The following NCOA1 variants were observed in gnomAD, a reference collection of about 807,000 sequenced individuals.
The protein encoded by NCOA1 is Hin-2 protein.
A neutral mutation model predicts 150.9 loss-of-function variants in NCOA1; 35 were observed. The ratio of observed to expected loss-of-function variants is 0.23; its 90% CI spans 0.18 to 0.31. NCOA1 has a LOEUF of 0.31. NCOA1 is among the 10% of genes least tolerant of loss of function. NCOA1 has a pLI of 1.00. For synonymous variants in NCOA1, 590 were observed against 630.0 expected (o/e 0.94, Z 0.95); for missense variants, 1,491 against 1,749.3 (o/e 0.85, Z 2.63).
intron 14 of NCOA1, among the ~76,000 whole-genome samples, chr2:24,723,727 G>A (rs1267764209): frequency 1.3e-5 from 2 of 151,438 alleles, no homozygotes; most frequent in Non-Finnish European, 2.9e-5. Flanking sequence ...TGTCTTACTG[G>A]GTTTTTATCC....
intron 1 of NCOA1, among the ~76,000 whole-genome samples, chr2:24,512,742 C>G (rs1663986433): frequency 6.6e-6 from 1 of 152,082 alleles, no homozygotes; most frequent in Admixed American, 6.6e-5. Context: ...TCAGTGAAAC[C>G]CCTCTCTAAC....
intron 17 of NCOA1, among the ~76,000 whole-genome samples, chr2:24,732,619 A>C (rs1663073813): frequency 6.6e-6 from 1 of 152,180 alleles, no homozygotes; most frequent in Non-Finnish European, 1.5e-5. Context: ...ACAAGGAAAG[A>C]AAAAAAGATC....
chr2:24,762,891 G>A, intron 22 of NCOA1, 115 bp downstream of exon 22: 1 of 871,068 alleles, frequency 1.1e-6, no homozygotes, highest in Non-Finnish European at 1.9e-6. Context: ...TGTGAGTCCT[G>A]GCTCTGCTCT....
intron 16 of NCOA1, 35 bp from the exon 17 acceptor site, chr2:24,729,466 T>G (rs1407022413): frequency 1.3e-6 from 2 of 1,569,048 alleles, no homozygotes; most frequent in Non-Finnish European, 8.7e-7. Context: ...TGGCAGAAAT[T>G]TATTTGTAAA....
At chr2:24,685,359 C>G (rs1465033247) in intron 8 of NCOA1, among the ~76,000 whole-genome samples, 1 of 151,988 alleles carries the variant, frequency 6.6e-6, no homozygotes, top group African/African-American at 2.4e-5. Context: ...TCCAAAAGAA[C>G]AAGTATACAT....
chr2:24,501,748 A>G (rs1271180150), intron 1 of NCOA1, among the ~76,000 whole-genome samples: 5 of 152,118 alleles, frequency 3.3e-5, no homozygotes, highest in Non-Finnish European at 2.9e-5. Context: ...AGCACTCTGA[A>G]ATTGTATGTA....
intron 3 of NCOA1, among the ~76,000 whole-genome samples, chr2:24,614,377 C>T (rs549646438): frequency 1.3e-5 from 2 of 151,296 alleles, no homozygotes; most frequent in African/African-American, 4.8e-5. Flanking sequence ...ACCACCACAC[C>T]TGGCTACTTT....
intron 5 of NCOA1, chr2:24,659,022 C>T (rs1210621140): frequency 5.2e-6 from 2 of 386,612 alleles, no homozygotes; most frequent in African/African-American, 2.0e-5. Context: ...TAAAGAGAGC[C>T]TTCTCTTCCT....
At chr2:24,683,920 CT>C (rs74448072) in intron 8 of NCOA1, among the ~76,000 whole-genome samples, 6,584 of 152,124 alleles carry the variant, frequency 0.043, 240 homozygotes, top group East Asian at 0.19. Flanking sequence ...TTTTTTGTTA[CT>C]TTTTTTCCCC....
At chr2:24,494,211 T>A (rs544310515) in intron 1 of NCOA1, among the ~76,000 whole-genome samples, 1 of 152,302 alleles carries the variant, frequency 6.6e-6, no homozygotes, top group African/African-American at 2.4e-5. Flanking sequence ...GGCATTTTCT[T>A]GAAATTCTTT....
At chr2:24,590,554 A>G (rs1171597222) in intron 3 of NCOA1, among the ~76,000 whole-genome samples, 1 of 152,190 alleles carries the variant, frequency 6.6e-6, no homozygotes, top group African/African-American at 2.4e-5. Flanking sequence ...TTTAATAAAT[A>G]TGTCTCACAT....
At chr2:24,690,768 T>G (rs567503395) in intron 8 of NCOA1, among the ~76,000 whole-genome samples, 1 of 151,754 alleles carries the variant, frequency 6.6e-6, no homozygotes, top group Non-Finnish European at 1.5e-5. Context: ...CACACGTGGT[T>G]TTTACTTGAA....
chr2:24,508,439 A>G (rs1243780229), intron 1 of NCOA1, among the ~76,000 whole-genome samples: 4 of 152,100 alleles, frequency 2.6e-5, no homozygotes, highest in Non-Finnish European at 5.9e-5. Context: ...ATGACAAAAA[A>G]AAAGGAATGT....
chr2:24,540,017 CGAA>C (rs1665323721), intron 1 of NCOA1, among the ~76,000 whole-genome samples: 1 of 152,122 alleles, frequency 6.6e-6, no homozygotes, highest in South Asian at 2.1e-4. Flanking sequence ...GTCTAGAAGA[CGAA>C]GGACTGAGAA....
At chr2:24,624,472 C>T (rs1230055315) in intron 3 of NCOA1, among the ~76,000 whole-genome samples, 1 of 152,118 alleles carries the variant, frequency 6.6e-6, no homozygotes, top group African/African-American at 2.4e-5. Context: ...TTAATAAGAA[C>T]AAAAAGTTTT....
At chr2:24,586,469 A>T (rs892776447) in intron 3 of NCOA1, among the ~76,000 whole-genome samples, 3 of 151,940 alleles carry the variant, frequency 2.0e-5, no homozygotes, top group African/African-American at 7.3e-5. Context: ...TCACTGCAGC[A>T]TCTACCCATC....
chr2:24,739,628 C>T, intron 18 of NCOA1, 95 bp downstream of exon 18: 2 of 860,986 alleles, frequency 2.3e-6, no homozygotes, highest in Non-Finnish European at 3.7e-6. Flanking sequence ...GGTCTGTGAG[C>T]TGATCTTTTA....
rs1244357128 is a variant in NCOA1, at chr2:24,683,134, C to T, written c.532+6C>T. The T allele has an allele frequency of 2.6e-6, 4 of 1,546,060 alleles. No homozygotes were observed. The East Asian group carries it at 7.2e-5, about 28-fold the overall frequency. On this transcript the variant is annotated splice_donor_region_variant and intron_variant, in intron 8 of 22. Coordinates refer to ENST00000348332, the MANE Select transcript of NCOA1 (RefSeq NM_003743.5). ...TCTGCTACCAAAATCACTAGGTAAACAGAAATGTGTTTTTAAAAAGAATAC... is the reference window on the plus strand; with the variant it reads ...TCTGCTACCAAAATCACTAGGTAAATAGAAATGTGTTTTTAAAAAGAATAC...
chr2:24,494,554 A>G (rs1412133144), intron 1 of NCOA1, among the ~76,000 whole-genome samples: 1 of 152,226 alleles, frequency 6.6e-6, no homozygotes, highest in East Asian at 1.9e-4. Flanking sequence ...CGGGACGCTC[A>G]TGATTGTTTT....
Sources: allele counts gnomAD v4.1 joint callset (sites outside exome capture counted in the v4.1 genomes callset), GRCh38; gene constraint gnomAD v4.1.1; transcripts MANE v1.5; gene names NCBI Gene and HGNC (gene_info 2026-07-23, HGNC 2026-07-21).